UHMK1: variants seen among roughly 807,000 people sequenced by gnomAD.
UHMK1 encodes the protein U2AF homology motif kinase 1.
Under a neutral mutation model 44.0 loss-of-function variants are expected in UHMK1, and 18 were observed. The observed-to-expected ratio is 0.41, with a 90% confidence interval of 0.28 to 0.61. UHMK1 has a LOEUF of 0.61. Ranked by LOEUF, UHMK1 falls within the 20% of genes least tolerant of loss-of-function variation. The pLI, the probability that UHMK1 is intolerant of heterozygous loss-of-function variation, is 0.31. For missense variants in UHMK1, 463 were observed against 522.5 expected (o/e 0.89, Z 1.11); for synonymous variants, 231 against 198.5 (o/e 1.16, Z -1.38).
At chr1:162,508,819 TCTTTC>T (rs1424794883) in intron 4 of UHMK1, among the ~76,000 whole-genome samples, 1 of 152,110 alleles carries the variant, frequency 6.6e-6, no homozygotes, top group East Asian at 1.9e-4. Context: ...TCTTTTCTTT[TCTTTC>T]AAGGCAGGGT....
chr1:162,522,415 G>C lies in UHMK1; in HGVS notation c.1125G>C (p.Glu375Asp). ...CTGTCTTCTTTCAGGTCTTTGTTGAGTATGCAAATGCTGGTGATTCCAAAG... is the reference window on the plus strand; with the variant it reads ...CTGTCTTCTTTCAGGTCTTTGTTGACTATGCAAATGCTGGTGATTCCAAAG... ...ENPGRGQVFVEYANAGDSKAA... is the reference protein window; with the variant it reads ...ENPGRGQVFVDYANAGDSKAA... The change falls in exon 8 of 8, where the codon GAG becomes GAC. Residue 375 changes from glutamate (E) to aspartate (D), a missense_variant. Physicochemically the swap from Glu to Asp is conservative, Grantham distance 45. Around this residue, in one of 3 missense-constraint regions of UHMK1, gnomAD observed 264 missense variants for 326.3 expected, o/e 0.81. Transcript: ENST00000489294. 6.2e-7 allele frequency: 1 copy of C among 1,614,044 alleles called. No homozygotes were observed. Among genetic ancestry groups the C allele is most frequent in the Non-Finnish European group, 8.5e-7 (1 of 1,179,982 alleles).
intron 4 of UHMK1, 31 bp downstream of exon 4, chr1:162,503,879 C>T (rs1651371707): frequency 3.9e-6 from 6 of 1,536,816 alleles, no homozygotes; most frequent in Middle Eastern, 1.7e-4. Context: ...ACTTGCTTTG[C>T]ATTCATGTAC....
rs1047963888 is a variant in UHMK1, at chr1:162,525,701, G to T, written c.*3151G>T. On this transcript the variant is annotated 3_prime_UTR_variant, in exon 8 of 8. Coordinates refer to ENST00000489294, the MANE Select transcript of UHMK1 (RefSeq NM_175866.5). ...AAGAGATCCGCATTTATTACCACTG[G>T]ATGTCTTCCTTTTTTGTGGCCACCA... is the stretch of plus-strand genomic sequence containing the variant. The T allele has an allele frequency of 1.3e-5, 2 of 152,060 alleles. No homozygotes were observed. The highest frequency in any genetic ancestry group is 2.9e-5 in the Non-Finnish European group (2 of 68,004). The allele number at this position is 152,060 out of a possible 1,614,324, so 9.4% of individuals were successfully genotyped here.
chr1:162,503,888 A>G (rs755198574), intron 4 of UHMK1, 40 bp downstream of exon 4: 2 of 1,497,308 alleles, frequency 1.3e-6, no homozygotes, highest in South Asian at 1.2e-5. Context: ...GCATTCATGT[A>G]CTATGTGAAA....
Position 162,500,106 on chromosome 1 carries a change from A to C in UHMK1, c.420A>C (p.Arg140=). 1 of 1,614,144 alleles carries C rather than the reference A, an allele frequency of 6.2e-7. No individual in the cohort carries two copies. Among genetic ancestry groups the C allele is most frequent in the South Asian group, 1.1e-5 (1 of 91,082 alleles). ...CSMWMIQHCA[R]DVLEALAFLH... is the part of the protein sequence containing the mutation. Reference sequence around the variant, plus strand: ...TGTGGATGATACAGCATTGTGCCCGAGATGTTTTGGAGGCCCTTGCTTTTC... The same window carrying C: ...TGTGGATGATACAGCATTGTGCCCGCGATGTTTTGGAGGCCCTTGCTTTTC... The change falls in exon 2 of 8, where the codon CGA becomes CGC. Residue 140 remains arginine, a synonymous_variant. Coordinates refer to ENST00000489294, the MANE Select transcript of UHMK1 (RefSeq NM_175866.5).
chr1:162,499,843 C>G (rs1232840573), intron 1 of UHMK1, 112 bp from the exon 2 acceptor site: 8 of 951,716 alleles, frequency 8.4e-6, no homozygotes, highest in Non-Finnish European at 1.2e-5. Context: ...TGGAAGCTTG[C>G]TCATCAAAGT....
intron 6 of UHMK1, among the ~76,000 whole-genome samples, chr1:162,517,752 G>C (rs1651882367): frequency 6.6e-6 from 1 of 151,994 alleles, no homozygotes; most frequent in Non-Finnish European, 1.5e-5. Context: ...GGGTGTGGTG[G>C]TGCACGCCTG....
At chr1:162,521,662 G>A (rs1652063514) in intron 7 of UHMK1, among the ~76,000 whole-genome samples, 1 of 152,162 alleles carries the variant, frequency 6.6e-6, no homozygotes, top group South Asian at 2.1e-4. Context: ...GTCTTGCTCT[G>A]TTGTTGCCCG....
chr1:162,515,124 T>G (rs571985308), intron 6 of UHMK1, among the ~76,000 whole-genome samples: 1 of 150,972 alleles, frequency 6.6e-6, no homozygotes, highest in Non-Finnish European at 1.5e-5. Flanking sequence ...TATGTCCTCT[T>G]AATATTTAAA....
At position 162,500,988 on chromosome 1, in the gene UHMK1, C is replaced by T. The variant is rs1394679104; in HGVS notation, c.637C>T (p.Leu213=). 2 of 1,614,048 alleles carry T rather than the reference C, an allele frequency of 1.2e-6. No individual in the cohort carries two copies. The highest frequency in any genetic ancestry group is 1.6e-4 in the Middle Eastern group (1 of 6,062). ...GCAAAATTGCTTGGCCCAGGCTGGC[C>T]TGCAGAGTGATACAGAATGTACCTC... ...ELQNCLAQAG[L]QSDTECTSAV... Residue 213 remains leucine, a synonymous_variant, in exon 3 of 8, where the codon CTG becomes TTG. Coordinates refer to ENST00000489294, the MANE Select transcript of UHMK1 (RefSeq NM_175866.5).
intron 4 of UHMK1, among the ~76,000 whole-genome samples, chr1:162,510,709 T>C (rs1482270397): frequency 3.9e-5 from 6 of 152,236 alleles, no homozygotes; most frequent in East Asian, 3.9e-4. Flanking sequence ...TGAACACTTA[T>C]CTGTTAATAG....
intron 7 of UHMK1, among the ~76,000 whole-genome samples, chr1:162,519,947 A>G (rs768911): frequency 0.46 from 69,819 of 152,022 alleles, 16,073 homozygotes; most frequent in East Asian, 0.47. Context: ...TTCCCAGGCT[A>G]GAGTGCAGTG....
chr1:162,514,404 TAATA>T (rs1651767820), intron 6 of UHMK1, among the ~76,000 whole-genome samples: 1 of 152,208 alleles, frequency 6.6e-6, no homozygotes, highest in African/African-American at 2.4e-5. Context: ...AAAATGGAGA[TAATA>T]AATAGTACCT....
Position 162,498,041 on chromosome 1 carries a change from G to C in UHMK1, c.41G>C (p.Arg14Pro). ...SGCAWGAEPP[R>P]FLEAFGRLWQ... Reference sequence around the variant, plus strand: ...TGCGCCTGGGGCGCGGAGCCGCCGCGTTTTCTGGAGGCCTTCGGGCGGCTG... The same window carrying C: ...TGCGCCTGGGGCGCGGAGCCGCCGCCTTTTCTGGAGGCCTTCGGGCGGCTG... The change falls in exon 1 of 8, where the codon CGT (arginine) becomes CCT (proline). Residue 14 changes from arginine (R) to proline (P), a missense_variant. Arg to Pro is a moderately radical substitution (Grantham distance 103). This residue lies in a region of UHMK1 where 191 missense variants were observed against 176.0 expected (regional missense o/e 1.09). Transcript: ENST00000489294. 2 of 1,600,214 alleles carry C rather than the reference G, an allele frequency of 1.2e-6. No individual in the cohort carries two copies. Among genetic ancestry groups the C allele is most frequent in the Non-Finnish European group, 1.7e-6 (2 of 1,171,908 alleles).
Position 162,529,136 on chromosome 1 carries a change from C to T in UHMK1, c.*6586C>T, listed in dbSNP as rs1194751834. On this transcript the variant is annotated 3_prime_UTR_variant, in exon 8 of 8. Coordinates refer to ENST00000489294, the MANE Select transcript of UHMK1 (RefSeq NM_175866.5). ...TCAGAACTACAAGAATATTACAATA[C>T]ATAGTGAATAGTTGTCTGTAACATT... is the stretch of plus-strand genomic sequence containing the variant. 5 of 152,128 alleles carry T rather than the reference C, an allele frequency of 3.3e-5. No homozygotes were observed. Among genetic ancestry groups the T allele is most frequent in the Non-Finnish European group, 7.4e-5 (5 of 67,992 alleles). The allele number at this position is 152,128 out of a possible 1,614,324, so 9.4% of individuals were successfully genotyped here.
intron 6 of UHMK1, among the ~76,000 whole-genome samples, chr1:162,514,565 C>A (rs1645352675): frequency 6.6e-6 from 1 of 152,032 alleles, no homozygotes; most frequent in Non-Finnish European, 1.5e-5. Flanking sequence ...ATATTAATAG[C>A]ACTGACACAC....
intron 7 of UHMK1, among the ~76,000 whole-genome samples, chr1:162,520,185 T>C (rs357039): frequency 0.68 from 103,340 of 152,148 alleles, 36,657 homozygotes; most frequent in African/African-American, 0.88. Context: ...TGAGCCACTG[T>C]GCCCAGCTAT....
At chr1:162,500,503 A>G (rs997053647) in intron 2 of UHMK1, 1 of 457,388 alleles carries the variant, frequency 2.2e-6, no homozygotes, top group African/African-American at 2.0e-5. Flanking sequence ...ACCTACATAG[A>G]ATGGTTTTTT....
At position 162,512,761 on chromosome 1, in the gene UHMK1, C is replaced by T; in HGVS notation, c.962C>T (p.Pro321Leu). ...HIEDLVMLPTPVLRLLNVLDD... is the reference protein window; with the variant it reads ...HIEDLVMLPTLVLRLLNVLDD... ...GAAGATCTGGTCATGCTTCCCACTC[C>T]AGTGCTAAGACTGCTGAATGTGCTG... is the stretch of plus-strand genomic sequence containing the variant. The change falls in exon 6 of 8, where the codon CCA becomes CTA. Residue 321 changes from proline to leucine, a missense_variant. Pro to Leu is a moderately conservative substitution (Grantham distance 98). Transcript: ENST00000489294. The T allele has an allele frequency of 6.2e-7, 1 of 1,614,058 alleles. No individual in the cohort carries two copies. Among genetic ancestry groups the T allele is most frequent in the Non-Finnish European group, 8.5e-7 (1 of 1,179,988 alleles).
Sources: allele counts gnomAD v4.1 joint callset (sites outside exome capture counted in the v4.1 genomes callset), GRCh38; gene constraint gnomAD v4.1.1; regional missense constraint gnomAD v4.1.1; transcripts MANE v1.5; gene names NCBI Gene and HGNC (gene_info 2026-07-23, HGNC 2026-07-21).